The following SOX6 variants were observed in gnomAD, a reference collection of about 807,000 sequenced individuals.
SOX6 encodes SRY-box transcription factor 6.
A neutral mutation model predicts 97.8 loss-of-function variants in SOX6; 11 were observed. The ratio of observed to expected loss-of-function variants is 0.11; its 90% confidence interval spans 0.07 to 0.19. The LOEUF (loss-of-function observed/expected upper bound fraction) is 0.19, where lower values mean the gene tolerates loss of function less well. SOX6 is among the 10% of genes least tolerant of loss of function. The pLI, the probability that SOX6 is intolerant of heterozygous loss-of-function variation, is 1.00. For missense variants in SOX6, 810 were observed against 1,039.5 expected (o/e 0.78, Z 3.04); for synonymous variants, 360 against 371.4 (o/e 0.97, Z 0.35).
intron 4 of SOX6, among the ~76,000 whole-genome samples, chr11:16,559,196 T>C (rs1443381340): frequency 3.9e-5 from 6 of 152,038 alleles, no homozygotes; most frequent in African/African-American, 1.4e-4. Context: ...AAAATCTCCT[T>C]TAATCAATAA....
At chr11:16,575,290 T>C (rs2133201423) in intron 4 of SOX6, among the ~76,000 whole-genome samples, 1 of 152,334 alleles carries the variant, frequency 6.6e-6, no homozygotes, top group Non-Finnish European at 1.5e-5. Context: ...GTTAATAGGC[T>C]GTTGGTAACA....
intron 13 of SOX6, among the ~76,000 whole-genome samples, chr11:16,014,224 A>T (rs1393608291): frequency 6.6e-6 from 1 of 152,056 alleles, no homozygotes; most frequent in Non-Finnish European, 1.5e-5. Context: ...CTGCTTGTGC[A>T]TTTAAAACAA....
intron 1 of SOX6, among the ~76,000 whole-genome samples, chr11:16,431,823 C>A (rs995207748): frequency 6.6e-6 from 1 of 152,016 alleles, no homozygotes; most frequent in Non-Finnish European, 1.5e-5. Context: ...TTGAATTATA[C>A]AAGGCATTAT....
intron 1 of SOX6, among the ~76,000 whole-genome samples, chr11:16,451,746 A>G (rs1028694604): frequency 6.6e-5 from 10 of 152,242 alleles, no homozygotes; most frequent in African/African-American, 2.4e-4. Flanking sequence ...CCATTAAAGA[A>G]GCATGTTTAA....
intron 2 of SOX6, among the ~76,000 whole-genome samples, chr11:16,727,203 C>T (rs1416034362): frequency 1.4e-4 from 21 of 146,762 alleles, no homozygotes; most frequent in Non-Finnish European, 1.5e-5. Flanking sequence ...GGAAATATGT[C>T]ATGAATATAC....
At chr11:16,004,514 G>C (rs1181592403) in intron 13 of SOX6, among the ~76,000 whole-genome samples, 1 of 151,722 alleles carries the variant, frequency 6.6e-6, no homozygotes. Flanking sequence ...TTAAGGTTAG[G>C]GTTGAGGAAT....
intron 3 of SOX6, among the ~76,000 whole-genome samples, chr11:16,663,517 A>G (rs568236128): frequency 7.0e-4 from 107 of 152,106 alleles, no homozygotes; most frequent in Admixed American, 1.8e-3. Context: ...GATACGGGGT[A>G]TCACCATGTT....
At chr11:16,547,790 C>T (rs1309469647) in intron 4 of SOX6, among the ~76,000 whole-genome samples, 2 of 151,976 alleles carry the variant, frequency 1.3e-5, no homozygotes, top group African/African-American at 4.8e-5. Flanking sequence ...GAAATGTTCC[C>T]AATACAGGGA....
rs751403677 is a variant in SOX6 at position 16,167,753 on chromosome 11, C to T, written c.777+16133G>A. Among the ~76,000 whole-genome samples, 24 of 152,246 alleles carry T rather than the reference C, an allele frequency of 1.6e-4. 1 individual carries two copies. In the Middle Eastern group the frequency reaches 0.014, roughly 87 times the overall value. On this transcript the variant is annotated intron_variant, in intron 6 of 15. Coordinates refer to ENST00000683767, the MANE Select transcript of SOX6 (RefSeq NM_001367873.1). Reference sequence around the variant, plus strand: ...ATTCCTGTGGGTCTTTTCTTAAATACTACCTTCTCCCTTAAGTACGTACCC... The same window carrying T: ...ATTCCTGTGGGTCTTTTCTTAAATATTACCTTCTCCCTTAAGTACGTACCC...
intron 1 of SOX6, among the ~76,000 whole-genome samples, chr11:16,465,088 A>G (rs1016086216): frequency 6.6e-6 from 1 of 152,130 alleles, no homozygotes; most frequent in Non-Finnish European, 1.5e-5. Flanking sequence ...TATTTCCTCC[A>G]TTTGTTCAAC....
At chr11:15,987,060 A>C (rs1214856263) in intron 14 of SOX6, among the ~76,000 whole-genome samples, 1 of 152,242 alleles carries the variant, frequency 6.6e-6, no homozygotes, top group Non-Finnish European at 1.5e-5. Context: ...TAAAAGTACA[A>C]AAATTTTAAT....
At chr11:16,057,535 T>C (rs1847848234) in intron 9 of SOX6, among the ~76,000 whole-genome samples, 1 of 152,158 alleles carries the variant, frequency 6.6e-6, no homozygotes, top group South Asian at 2.1e-4. Context: ...CTCAATCTTC[T>C]TGCTCCAAAT....
At chr11:16,035,940 A>C (rs2133891779) in intron 12 of SOX6, among the ~76,000 whole-genome samples, 1 of 152,272 alleles carries the variant, frequency 6.6e-6, no homozygotes, top group East Asian at 1.9e-4. Context: ...TGAGTGCCAG[A>C]GAGACAGAGG....
intron 4 of SOX6, among the ~76,000 whole-genome samples, chr11:16,500,626 T>C (rs1860689416): frequency 6.6e-6 from 1 of 152,122 alleles, no homozygotes; most frequent in Non-Finnish European, 1.5e-5. Flanking sequence ...GGATACAAAA[T>C]CAATGTGCAA....
At chr11:16,169,241 C>T (rs1330186537) in intron 6 of SOX6, among the ~76,000 whole-genome samples, 4 of 152,018 alleles carry the variant, frequency 2.6e-5, no homozygotes, top group African/African-American at 7.2e-5. Context: ...CTGGTACATC[C>T]TGCTTTAAAA....
intron 1 of SOX6, among the ~76,000 whole-genome samples, chr11:16,366,052 C>T (rs941354143): frequency 1.3e-5 from 2 of 152,078 alleles, no homozygotes; most frequent in African/African-American, 4.8e-5. Context: ...CAGTGCCGAA[C>T]AAGTGGTCAT....
In SOX6 at chr11:16,047,544, C is replaced by A. The variant is rs181575673; in HGVS notation, c.1436-843G>T. Among the ~76,000 whole-genome samples, 20 of 152,148 alleles carry A rather than the reference C, an allele frequency of 1.3e-4. 1 individual carries two copies. Among genetic ancestry groups the A allele is most frequent in the Admixed American group, 1.3e-3 (20 of 15,262 alleles). ...CAATATTAAACTGACTTATTTCCAA[C>A]GATATCTTGCATTTTACTGTGGGTA... On this transcript the variant is annotated intron_variant, in intron 11 of 15. Transcript: ENST00000683767.
intron 3 of SOX6, among the ~76,000 whole-genome samples, chr11:16,625,376 C>T (rs1021519753): frequency 2.0e-5 from 3 of 152,158 alleles, no homozygotes; most frequent in Admixed American, 6.6e-5. Flanking sequence ...GTATATTGGT[C>T]TCTGCCCCCA....
chr11:16,024,259 A>G (rs1293936931), intron 12 of SOX6, among the ~76,000 whole-genome samples: 1 of 152,120 alleles, frequency 6.6e-6, no homozygotes, highest in Non-Finnish European at 1.5e-5. Flanking sequence ...TCCAGGCAGT[A>G]CTGTGAGAAA....
Sources: allele counts gnomAD v4.1 joint callset (sites outside exome capture counted in the v4.1 genomes callset), GRCh38; gene constraint gnomAD v4.1.1; transcripts MANE v1.5; gene names NCBI Gene and HGNC (gene_info 2026-07-23, HGNC 2026-07-21).